The following ZNF83 variants were observed in gnomAD, a reference collection of about 807,000 sequenced individuals.
The protein encoded by ZNF83 is zinc finger protein 816B.
For missense variants in ZNF83, 552 were observed against 629.9 expected (o/e 0.88, Z 1.32); for synonymous variants, 209 against 213.0 (o/e 0.98, Z 0.17).
At chr19:52,616,356 C>A (rs368756607) in intron 2 of ZNF83, among the ~76,000 whole-genome samples, 2 of 152,088 alleles carry the variant, frequency 1.3e-5, no homozygotes, top group East Asian at 3.8e-4. Context: ...AGTATTGACC[C>A]AGCAATCCCA....
At chr19:52,651,698 AAAAAAG>A (rs1258530287) in intron 3 of ZNF83, 2 of 158,062 alleles carry the variant, frequency 1.3e-5, no homozygotes, top group African/African-American at 2.4e-5. Flanking sequence ...AAAAAAAAAA[AAAAAAG>A]AAAGAAAGAA....
At chr19:52,619,681 A>G (rs2147088399) in intron 2 of ZNF83, among the ~76,000 whole-genome samples, 1 of 152,164 alleles carries the variant, frequency 6.6e-6, no homozygotes, top group South Asian at 2.1e-4. Context: ...GACACTCAGT[A>G]TCTAGATGAG....
Position 52,675,234 on chromosome 19 carries a change from G to A in ZNF83, c.-282-14391C>T, listed in dbSNP as rs556546909. Among the ~76,000 whole-genome samples, 3 of 152,296 alleles carry A rather than the reference G, an allele frequency of 2.0e-5. No homozygotes were observed. The South Asian group carries it at 6.2e-4, about 32-fold the overall frequency. ...CATTACTTCTCAAATAAGGACACCA[G>A]GCCCACAGTGTTCATGTACTTCACC... On this transcript the variant is annotated intron_variant, in intron 1 of 5. Coordinates refer to the ZNF83 transcript ENST00000594682.
intron 1 of ZNF83, among the ~76,000 whole-genome samples, chr19:52,685,497 G>A (rs1334068290): frequency 1.3e-5 from 2 of 152,138 alleles, no homozygotes; most frequent in Non-Finnish European, 2.9e-5. Flanking sequence ...AAAAATCACA[G>A]TCACATTCAT....
intron 2 of ZNF83, among the ~76,000 whole-genome samples, chr19:52,625,398 C>T (rs148589035): frequency 6.6e-6 from 1 of 152,228 alleles, no homozygotes; most frequent in African/African-American, 2.4e-5. Flanking sequence ...CCGCATTCTC[C>T]TTATGTCAAG....
chr19:52,653,015 C>T, intron 3 of ZNF83: 1 of 1,426,984 alleles, frequency 7.0e-7, no homozygotes, highest in Non-Finnish European at 9.8e-7. Context: ...TGATGTTGTG[C>T]AAGGTTTGAC....
intron 2 of ZNF83, among the ~76,000 whole-genome samples, chr19:52,621,227 T>C (rs776599706): frequency 6.6e-5 from 10 of 152,188 alleles, no homozygotes; most frequent in African/African-American, 1.2e-4. Context: ...CCAAGGAACG[T>C]CTCACCAATT....
intron 2 of ZNF83, chr19:52,618,043 G>A (rs1278384592): frequency 6.6e-6 from 1 of 152,214 alleles, no homozygotes; most frequent in African/African-American, 2.4e-5. Context: ...AAAAGCACAG[G>A]AGTAGCAAAT....
At chr19:52,627,895 AAAG>A (rs1198275852) in intron 2 of ZNF83, among the ~76,000 whole-genome samples, 1 of 152,062 alleles carries the variant, frequency 6.6e-6, no homozygotes, top group Admixed American at 6.5e-5. Flanking sequence ...TTCCACCACA[AAAG>A]AAGTGAAAAT....
chr19:52,614,147 G>A lies in ZNF83; in HGVS notation c.418C>T (p.Gln140Ter). ...GGCTTCTCTCCAGTATGAATTCTTTGATGACTTGCAAGGTTTGATTTTTTA... is the reference window on the plus strand; with the variant it reads ...GGCTTCTCTCCAGTATGAATTCTTTAATGACTTGCAAGGTTTGATTTTTTA... Residue 140 changes from glutamine (Q) to a stop codon, truncating the protein, a stop_gained, in exon 3 of 3, where the codon CAA becomes TAA. Transcript: ENST00000301096. LOFTEE classifies it low-confidence loss of function (END_TRUNC). 1.2e-6 allele frequency: 2 copies of A among 1,614,096 alleles called. No individual in the cohort carries two copies. The highest frequency in any genetic ancestry group is 1.7e-6 in the Non-Finnish European group (2 of 1,180,018).
exon 3 of ZNF83, chr19:52,613,845 C>G: frequency 2.5e-6 from 4 of 1,614,070 alleles, no homozygotes; most frequent in Non-Finnish European, 3.4e-6. Context: ...GACTGAACAC[C>G]TTGCCACATT....
chr19:52,652,439 A>G (rs941901095), intron 3 of ZNF83: 4 of 391,610 alleles, frequency 1.0e-5, no homozygotes, highest in African/African-American at 8.5e-5. Context: ...CATCTGAAAA[A>G]AGAAAAAAAA....
intron 1 of ZNF83, among the ~76,000 whole-genome samples, chr19:52,682,405 G>C (rs2061936680): frequency 1.3e-5 from 2 of 151,964 alleles, no homozygotes; most frequent in South Asian, 4.1e-4. Context: ...GGAAGTGGTG[G>C]CTCATGCCTG....
chr19:52,627,893 C>G (rs182830550), intron 2 of ZNF83, among the ~76,000 whole-genome samples: 130 of 152,244 alleles, frequency 8.5e-4, no homozygotes, highest in African/African-American at 3.0e-3. Flanking sequence ...CATTCCACCA[C>G]AAAAGAAGTG....
chr19:52,664,636 G>C (rs138144191), intron 1 of ZNF83, among the ~76,000 whole-genome samples: 71 of 152,108 alleles, frequency 4.7e-4, no homozygotes, highest in African/African-American at 1.7e-3. Flanking sequence ...AGCCAGGACT[G>C]GGGGGTGGAA....
chr19:52,667,810 T>C (rs2061674493), intron 1 of ZNF83, among the ~76,000 whole-genome samples: 1 of 152,158 alleles, frequency 6.6e-6, no homozygotes, highest in African/African-American at 2.4e-5. Flanking sequence ...GACATTAACA[T>C]TGGATAAATA....
At chr19:52,660,733 G>T in intron 2 of ZNF83, 1 of 199,670 alleles carries the variant, frequency 5.0e-6, no homozygotes. Flanking sequence ...AAAAGAGAGA[G>T]AAGAATCCAC....
At chr19:52,621,027 A>G (rs900567922) in intron 2 of ZNF83, among the ~76,000 whole-genome samples, 8 of 152,184 alleles carry the variant, frequency 5.3e-5, no homozygotes, top group African/African-American at 1.4e-4. Flanking sequence ...TTTTGGACTC[A>G]GCCTGCCTGC....
intron 2 of ZNF83, chr19:52,618,909 C>G (rs761282995): frequency 1.3e-6 from 2 of 1,544,702 alleles, no homozygotes; most frequent in Admixed American, 3.6e-5. Flanking sequence ...GGGAACATCC[C>G]CACTTCTGGA....
Sources: allele counts gnomAD v4.1 joint callset (sites outside exome capture counted in the v4.1 genomes callset), GRCh38; gene constraint gnomAD v4.1.1; transcripts MANE v1.5; gene names NCBI Gene and HGNC (gene_info 2026-07-23, HGNC 2026-07-21).